The following PDAP1 variants were observed in gnomAD, a reference collection of about 807,000 sequenced individuals.
PDAP1 encodes 28 kDa heat- and acid-stable phosphoprotein.
PDAP1 carries 13 observed loss-of-function variants against 28.0 expected under a neutral mutation model. The ratio of observed to expected loss-of-function variants is 0.46; its 90% CI spans 0.30 to 0.74. PDAP1 has a LOEUF of 0.74. PDAP1 is among the 30% of genes least tolerant of loss of function. PDAP1 has a pLI of 0.07. For synonymous variants in PDAP1, 77 were observed against 85.1 expected, an observed-to-expected ratio of 0.91 and a Z score of 0.52; for missense variants, 150 against 230.0, an observed-to-expected ratio of 0.65 and a Z score of 2.25.
rs886222098 is a variant in PDAP1 at position 99,395,624 on chromosome 7, G to T, written c.*1058C>A. The T allele has an allele frequency of 6.6e-6, 1 of 152,212 alleles. No homozygotes were observed. Among genetic ancestry groups the T allele is most frequent in the African/African-American group, 2.4e-5 (1 of 41,420 alleles). The allele number at this position is 152,212 out of a possible 1,614,324, so 9.4% of individuals were successfully genotyped here. A position where few individuals can be genotyped will look rare whatever the true frequency, so the allele number is the denominator to read the frequency against. On this transcript the variant is annotated 3_prime_UTR_variant, in exon 6 of 6. Coordinates refer to ENST00000350498, the MANE Select transcript of PDAP1 (RefSeq NM_014891.7). ...CTCTCAGGAAAATGTGGGCCTTGGC[G>T]ACATCCAATGCTAGTGCTATTCCCC...
At chr7:99,402,878 C>CAAAAAAAAAAAAAA (rs543294031) in intron 3 of PDAP1, among the ~76,000 whole-genome samples, 1 of 72,082 alleles carries the variant, frequency 1.4e-5, no homozygotes, top group Non-Finnish European at 2.9e-5. Flanking sequence ...CACTTCATCT[C>CAAAAAAAAAAAAAA]AAAAAAAAAA....
At chr7:99,399,519 A>G (rs565978135) in intron 4 of PDAP1, among the ~76,000 whole-genome samples, 1 of 152,326 alleles carries the variant, frequency 6.6e-6, no homozygotes, top group Admixed American at 6.5e-5. Flanking sequence ...AGAATACCAC[A>G]GTGGCAGAAC....
rs532177471 is a variant in PDAP1, at chr7:99,399,954, G to A, written c.335+349C>T. On this transcript the variant is annotated intron_variant, in intron 4 of 5. Transcript: ENST00000350498. ...GCCCCCTTCCAGTCCCCATGGCCACGACATTACAGATGGATGCAGGTCAGG... is the reference window on the plus strand; with the variant it reads ...GCCCCCTTCCAGTCCCCATGGCCACAACATTACAGATGGATGCAGGTCAGG... Among the ~76,000 whole-genome samples, 6 of 152,288 alleles carry A rather than the reference G, an allele frequency of 3.9e-5. No individual in the cohort carries two copies. In the South Asian group the frequency reaches 1.0e-3, roughly 26 times the overall value.
chr7:99,407,947 A>T (rs1389866638), intron 1 of PDAP1, among the ~76,000 whole-genome samples: 1 of 152,166 alleles, frequency 6.6e-6, no homozygotes, highest in Non-Finnish European at 1.5e-5. Context: ...TGGATTACCT[A>T]GTTGAAGCCT....
Position 99,394,892 on chromosome 7 carries a change from C to T in PDAP1, c.*1790G>A. ...AAGTTTTCCAGGCTGCACTAGAACT[C>T]GTGGGAGCAATCCTTCTGCCTCAGC... On this transcript the variant is annotated 3_prime_UTR_variant, in exon 6 of 6. Coordinates refer to ENST00000350498, the MANE Select transcript of PDAP1 (RefSeq NM_014891.7). 4 of 1,081,698 alleles carry T rather than the reference C, an allele frequency of 3.7e-6. No individual in the cohort carries two copies. The highest frequency in any genetic ancestry group is 1.6e-5 in the African/African-American group (1 of 61,080). The allele number at this position is 1,081,698 out of a possible 1,614,324, so 67.0% of individuals were successfully genotyped here. A position where few individuals can be genotyped will look rare whatever the true frequency, so the allele number is the denominator to read the frequency against.
At chr7:99,404,556 G>A (rs1794935107) in intron 2 of PDAP1, among the ~76,000 whole-genome samples, 1 of 152,136 alleles carries the variant, frequency 6.6e-6, no homozygotes, top group Admixed American at 6.5e-5. Context: ...CTCGAGCTGT[G>A]AATGGACAGG....
intron 3 of PDAP1, among the ~76,000 whole-genome samples, chr7:99,401,974 A>G (rs1487949700): frequency 2.0e-5 from 3 of 152,098 alleles, no homozygotes; most frequent in African/African-American, 7.2e-5. Flanking sequence ...TAATCTTTTA[A>G]AAGCATATCT....
At chr7:99,407,080 G>A (rs1302893257) in intron 1 of PDAP1, among the ~76,000 whole-genome samples, 4 of 152,142 alleles carry the variant, frequency 2.6e-5, no homozygotes, top group South Asian at 2.1e-4. Flanking sequence ...TTTTATAGTA[G>A]ACTCTTCAAG....
intron 3 of PDAP1, 32 bp from the exon 4 acceptor site, chr7:99,400,456 T>A: frequency 6.2e-7 from 1 of 1,613,464 alleles, no homozygotes; most frequent in South Asian, 1.1e-5. Context: ...GTTGTTGGAG[T>A]TCAGGTCCTG....
In PDAP1 at chr7:99,397,886, G is replaced by A. The variant is rs764411178; in HGVS notation, c.463C>T (p.Arg155Trp). 2.3e-5 allele frequency: 37 copies of A among 1,613,072 alleles called. No individual in the cohort carries two copies. Among genetic ancestry groups the A allele is most frequent in the Non-Finnish European group, 3.0e-5 (35 of 1,180,046 alleles). Residue 155 changes from arginine to tryptophan, a missense_variant, in exon 5 of 6, where the codon CGG (arginine) becomes TGG (tryptophan). Arg to Trp is a moderately radical substitution (Grantham distance 101). Transcript: ENST00000350498. The stretch of plus-strand genomic sequence containing the variant: ...CCTTTCCTTTCCTCTTCCTTCTTCC[G>A]GGCAGCCTCCTCCCGCTGTTTCCGG... ...IIRKQREEAA[R>W]KKEEERKAKD...
At chr7:99,400,719 A>G (rs1794849464) in intron 3 of PDAP1, among the ~76,000 whole-genome samples, 1 of 152,138 alleles carries the variant, frequency 6.6e-6, no homozygotes, top group South Asian at 2.1e-4. Flanking sequence ...CTCACACAGC[A>G]CTACTCCCCT....
Position 99,400,164 on chromosome 7 carries a change from TA to T in PDAP1, c.335+138del, listed in dbSNP as rs1254810496. ...TGAAAACAAATTCTGTGTGGCTTTT[TA>T]AAGGCTACTGGAGGGCCATTGGGGA... On this transcript the variant is annotated intron_variant, in intron 4 of 5. Transcript: ENST00000350498. 10 of 881,784 alleles carry T rather than the reference TA, an allele frequency of 1.1e-5. No homozygotes were observed. The South Asian group carries it at 1.4e-4, about 12-fold the overall frequency. 54.6% of individuals were successfully genotyped at this position (881,784 alleles called of 1,614,324 possible).
At chr7:99,399,033 C>T (rs1023891307) in intron 4 of PDAP1, among the ~76,000 whole-genome samples, 13 of 152,164 alleles carry the variant, frequency 8.5e-5, no homozygotes, top group East Asian at 1.9e-4. Context: ...AGGATGAGAT[C>T]GGAGGGCCTA....
chr7:99,404,790 G>A, intron 2 of PDAP1, 72 bp downstream of exon 2: 1 of 1,232,252 alleles, frequency 8.1e-7, no homozygotes, highest in African/African-American at 1.5e-5. Flanking sequence ...TCCTTGCCTG[G>A]CCTCTCTATG....
chr7:99,406,432 C>A, intron 1 of PDAP1: 1 of 287,406 alleles, frequency 3.5e-6, no homozygotes, highest in Non-Finnish European at 5.2e-6. Context: ...AAAAAAGAAA[C>A]CCAAACCTAC....
chr7:99,395,047 C>G lies in PDAP1; in HGVS notation c.*1635G>C. ...GCCTTATGCCAAATGGTTCCCTCCCCACTGCTGTCCATCCTGGGCTGCCAC... is the reference window on the plus strand; with the variant it reads ...GCCTTATGCCAAATGGTTCCCTCCCGACTGCTGTCCATCCTGGGCTGCCAC... On this transcript the variant is annotated 3_prime_UTR_variant, in exon 6 of 6. Transcript: ENST00000350498. The G allele has an allele frequency of 5.8e-6, 1 of 173,396 alleles. No individual in the cohort carries two copies. The highest frequency in any genetic ancestry group is 6.4e-5 in the Admixed American group (1 of 15,702). 10.7% of individuals were successfully genotyped at this position (173,396 alleles called of 1,614,324 possible).
intron 4 of PDAP1, 146 bp downstream of exon 4, chr7:99,400,157 G>A: frequency 1.2e-6 from 1 of 805,514 alleles, no homozygotes; most frequent in Non-Finnish European, 2.0e-6. Flanking sequence ...AATTCTGTGT[G>A]GCTTTTTAAA....
At chr7:99,399,483 T>C (rs1403542470) in intron 4 of PDAP1, among the ~76,000 whole-genome samples, 2 of 152,034 alleles carry the variant, frequency 1.3e-5, no homozygotes, top group Non-Finnish European at 2.9e-5. Flanking sequence ...CACAGCCTTA[T>C]CGAAGGCTGC....
rs1030800495 is a variant in PDAP1, at chr7:99,396,034, G to A, written c.*648C>T. 6.5e-6 allele frequency: 1 copy of A among 152,978 alleles called. No homozygotes were observed. The highest frequency in any genetic ancestry group is 1.5e-5 in the Non-Finnish European group (1 of 68,268). The allele number at this position is 152,978 out of a possible 1,614,324, so 9.5% of individuals were successfully genotyped here. On this transcript the variant is annotated 3_prime_UTR_variant, in exon 6 of 6. Coordinates refer to ENST00000350498, the MANE Select transcript of PDAP1 (RefSeq NM_014891.7). ...GCCAAATATACAAGTTGAATTTGTG[G>A]AGCATGTTTTGCCTGGGTGCCACAC...
Sources: allele counts gnomAD v4.1 joint callset (sites outside exome capture counted in the v4.1 genomes callset), GRCh38; gene constraint gnomAD v4.1.1; transcripts MANE v1.5; gene names NCBI Gene and HGNC (gene_info 2026-07-23, HGNC 2026-07-21).